XG: variants seen among roughly 807,000 people sequenced by gnomAD.
XG encodes glycoprotein Xg.
XG carries 24 observed loss-of-function variants against 25.7 expected under a neutral mutation model. That is an observed-to-expected ratio of 0.93 (90% CI 0.68 to 1.31). The LOEUF is 1.31. Among genes scored for constraint, XG ranks in the 40% most tolerant of loss-of-function variants. XG has a pLI of 0.00. For synonymous variants in XG, 77 were observed against 69.2 expected, an observed-to-expected ratio of 1.11 and a Z score of -0.56; for missense variants, 181 against 187.6, an observed-to-expected ratio of 0.96 and a Z score of 0.21.
intron 1 of XG, among the ~76,000 whole-genome samples, chrX:2,769,478 C>A (rs2050768193): frequency 6.6e-6 from 1 of 152,192 alleles, no homozygotes; most frequent in African/African-American, 2.4e-5. Flanking sequence ...GCAGATGAGA[C>A]TCTTGGGTGC....
At chrX:2,789,738 T>G (rs867024018) in intron 5 of XG, 32 bp downstream of exon 5, 1 of 693,642 alleles carries the variant, frequency 1.4e-6, no homozygotes, top group Non-Finnish European at 1.9e-6. Flanking sequence ...ATTTTTATTT[T>G]ATTTTATTTT....
chrX:2,777,300 T>C, intron 3 of XG, among the ~76,000 whole-genome samples: 1 of 152,340 alleles, frequency 6.6e-6, no homozygotes, highest in East Asian at 1.9e-4. Context: ...TAGTTAGATA[T>C]TGCTGGATTT....
At chrX:2,759,978 T>G (rs1442249516) in intron 1 of XG, among the ~76,000 whole-genome samples, 2 of 150,980 alleles carry the variant, frequency 1.3e-5, no homozygotes, top group African/African-American at 4.9e-5. Context: ...TGATCTGGAA[T>G]CTGCATGTGG....
At chrX:2,778,986 A>G (rs968579580) in intron 3 of XG, among the ~76,000 whole-genome samples, 1 of 151,660 alleles carries the variant, frequency 6.6e-6, no homozygotes, top group Non-Finnish European at 1.5e-5. Flanking sequence ...CTGGTCTCGA[A>G]CTCCTGACCT....
At chrX:2,773,540 A>G (rs1478913294) in intron 2 of XG, among the ~76,000 whole-genome samples, 6 of 126,518 alleles carry the variant, frequency 4.7e-5, no homozygotes, top group African/African-American at 1.8e-4. Flanking sequence ...GGAGAGAAGG[A>G]AGGAAGGAGA....
chrX:2,781,604 G>T (rs28579419), intron 3 of XG, among the ~76,000 whole-genome samples: 9,768 of 111,765 alleles, frequency 0.087, 461 homozygotes, highest in Middle Eastern at 0.18. Context: ...CCTGTAACAG[G>T]TTGCAGAAAT....
chrX:2,781,588 C>T (rs954759582), intron 3 of XG, among the ~76,000 whole-genome samples: 4 of 112,232 alleles, frequency 3.6e-5, no homozygotes, highest in Non-Finnish European at 7.5e-5. Context: ...ATTTCCAGGC[C>T]TTCTCCCTGT....
chrX:2,805,959 T>C (rs1353904307), intron 7 of XG, among the ~76,000 whole-genome samples: 1 of 112,258 alleles, frequency 8.9e-6, no homozygotes, highest in Non-Finnish European at 1.9e-5. Flanking sequence ...CACAAAGCAT[T>C]AGTTTTAAAA....
intron 3 of XG, chrX:2,774,966 G>T (rs2050944256): frequency 1.7e-6 from 1 of 593,958 alleles, no homozygotes; most frequent in African/African-American, 1.9e-5. Context: ...ATCTAAAATG[G>T]AAAATAACAA....
chrX:2,795,667 AT>A (rs1415039075), intron 6 of XG, among the ~76,000 whole-genome samples: 4 of 108,547 alleles, frequency 3.7e-5, no homozygotes, highest in African/African-American at 6.7e-5. Flanking sequence ...GTATTTATTT[AT>A]TTTTTTTTGA....
chrX:2,753,983 C>T (rs1471254969), intron 1 of XG, among the ~76,000 whole-genome samples: 5 of 152,142 alleles, frequency 3.3e-5, no homozygotes, highest in African/African-American at 4.8e-5. Context: ...TTTGTCCATC[C>T]GTTGGCTGAT....
Position 2,811,870 on chromosome X carries a change from A to G in XG, c.571+418A>G, listed in dbSNP as rs1429794838. ...CTTGGCCTCCCAAAGTTCTGAGATT[A>G]CAGGCGTGAGCCACCGTGCCTGGCC... On this transcript the variant is annotated intron_variant, in intron 10 of 10. Transcript: ENST00000644266. Among the ~76,000 whole-genome samples the G allele has an allele frequency of 3.6e-5, 4 of 111,987 alleles. No individual in the cohort carries two copies. The East Asian group carries it at 1.1e-3, about 31-fold the overall frequency.
chrX:2,775,822 G>A (rs1206394893), intron 3 of XG, among the ~76,000 whole-genome samples: 1 of 151,654 alleles, frequency 6.6e-6, no homozygotes, highest in Non-Finnish European at 1.5e-5. Context: ...TGGGCATGAT[G>A]GCACATGTCT....
chrX:2,776,433 T>C (rs1489803249), intron 3 of XG, among the ~76,000 whole-genome samples: 1 of 152,124 alleles, frequency 6.6e-6, no homozygotes, highest in Admixed American at 6.6e-5. Flanking sequence ...GAACTGCGGA[T>C]GTAGCTCGCC....
At chrX:2,786,654 A>G (rs912532127) in intron 4 of XG, among the ~76,000 whole-genome samples, 4 of 111,501 alleles carry the variant, frequency 3.6e-5, no homozygotes, top group Non-Finnish European at 7.5e-5. Flanking sequence ...CCGCAAATTC[A>G]TAGGATGAAG....
chrX:2,771,924 TGAAG>T (rs1173128617), intron 2 of XG, among the ~76,000 whole-genome samples: 9 of 152,000 alleles, frequency 5.9e-5, no homozygotes, highest in Non-Finnish European at 8.8e-5. Flanking sequence ...ATTTCTCCCA[TGAAG>T]TTAGAAAAGG....
At chrX:2,814,332 A>G (rs2087085408) in intron 10 of XG, 32 bp from the exon 11 acceptor site, 2 of 1,175,586 alleles carry the variant, frequency 1.7e-6, no homozygotes, top group Non-Finnish European at 2.3e-6. Flanking sequence ...TTTTGCCCCC[A>G]CAATGACATT....
intron 4 of XG, among the ~76,000 whole-genome samples, chrX:2,784,669 C>T (rs1320159890): frequency 9.0e-6 from 1 of 111,132 alleles, no homozygotes; most frequent in African/African-American, 3.3e-5. Context: ...CCTCCCACAG[C>T]AAAGTGATTC....
At chrX:2,786,749 G>C (rs2086787926) in intron 4 of XG, among the ~76,000 whole-genome samples, 1 of 111,258 alleles carries the variant, frequency 9.0e-6, no homozygotes, top group South Asian at 3.9e-4. Context: ...GAGGTCACTA[G>C]GGTGGGTCCG....
Sources: gnomAD v4.1 joint callset for allele counts (sites outside exome capture counted in the v4.1 genomes callset) on GRCh38, gnomAD v4.1.1 for gene constraint, MANE v1.5 for transcripts, NCBI Gene and HGNC (gene_info 2026-07-23, HGNC 2026-07-21) for gene names.